Variants in ZNF454 observed in about 807,000 individuals in gnomAD.
The protein encoded by ZNF454 is zinc finger protein 454.
Under a neutral mutation model 48.2 loss-of-function variants are expected in ZNF454, and 30 were observed. That is an observed-to-expected ratio of 0.62 (90% CI 0.47 to 0.84). The LOEUF (loss-of-function observed/expected upper bound fraction) is 0.84, where lower values mean the gene tolerates loss of function less well. ZNF454 is among the 40% of genes least tolerant of loss of function. The pLI is 0.00. For synonymous variants in ZNF454, 204 were observed against 211.4 expected (o/e 0.97, Z 0.30); for missense variants, 510 against 623.1 (o/e 0.82, Z 1.93).
chr5:178,965,137 G>A lies in ZNF454; in HGVS notation c.733G>A (p.Glu245Lys). Residue 245 changes from glutamate to lysine, a missense_variant, in exon 5 of 5, where the codon GAA becomes AAA. By Grantham distance (56) the Glu-to-Lys change is moderately conservative. Transcript: ENST00000519564. This position sits in a 1 kb window ranked among gnomAD's most constrained non-coding sequence, Gnocchi z 5.2. ...QRIHTGEKPY[E>K]CKECGKAFSV... ...AATTCACACTGGCGAGAAACCCTAT[G>A]AATGTAAGGAATGTGGCAAGGCCTT... 1 of 1,614,090 alleles carries A rather than the reference G, an allele frequency of 6.2e-7. No homozygotes were observed. The highest frequency in any genetic ancestry group is 8.5e-7 in the Non-Finnish European group (1 of 1,180,020).
At chr5:178,945,373 CTG>C (rs1310229491) in intron 2 of ZNF454, among the ~76,000 whole-genome samples, 4 of 144,900 alleles carry the variant, frequency 2.8e-5, no homozygotes, top group South Asian at 2.2e-4. Context: ...GTGTGTGTCT[CTG>C]TGTCTGTGTG....
intron 2 of ZNF454, among the ~76,000 whole-genome samples, chr5:178,945,015 T>G (rs1451132290): frequency 6.7e-6 from 1 of 149,674 alleles, no homozygotes; most frequent in African/African-American, 2.5e-5. Context: ...TATGCACATG[T>G]GCACACGTGT....
chr5:178,969,266 C>T (rs1288744481), downstream of ZNF454: 2 of 364,316 alleles, frequency 5.5e-6, no homozygotes, highest in East Asian at 1.5e-4. Flanking sequence ...CCAGCTCAAC[C>T]CCTAAAAGTA....
rs147532150 is a variant in ZNF454, at chr5:178,959,441, G to C, written c.251-5214G>C. On this transcript the variant is annotated intron_variant, in intron 4 of 4. Transcript: ENST00000519564. ...CATTATAATAAGCCTTACACTTGCT[G>C]ACGTAAATTCTCCAGTTTTGTCCTC... Among the ~76,000 whole-genome samples the C allele has an allele frequency of 7.8e-3, 1,192 of 152,260 alleles. 16 individuals carry two copies. Among genetic ancestry groups the C allele is most frequent in the African/African-American group, 0.027 (1,121 of 41,538 alleles).
Position 178,965,097 on chromosome 5 carries a change from TATCCATCACCAAA to T in ZNF454, c.694_706del (p.Ile232GlufsTer20). 1.2e-6 allele frequency: 2 copies of T among 1,614,182 alleles called. No individual in the cohort carries two copies. Among genetic ancestry groups the T allele is most frequent in the Non-Finnish European group, 1.7e-6 (2 of 1,180,034 alleles). On this transcript the variant is annotated frameshift_variant, in exon 5 of 5. Coordinates refer to ENST00000519564, the MANE Select transcript of ZNF454 (RefSeq NM_001178089.3). LOFTEE classifies it high-confidence loss of function. The surrounding 1 kb of genome is among the most constrained non-coding windows in gnomAD (Gnocchi z 5.2). Reference sequence around the variant, plus strand: ...AAGCCTTTCACCAGAGTACGCACCTTATCCATCACCAAAGAATTCACACTGGCGAGAAACCCTA... The same window carrying T: ...AAGCCTTTCACCAGAGTACGCACCTTGAATTCACACTGGCGAGAAACCCTA...
chr5:178,961,121 G>A (rs1255881596), intron 4 of ZNF454, among the ~76,000 whole-genome samples: 1 of 151,344 alleles, frequency 6.6e-6, no homozygotes, highest in African/African-American at 2.4e-5. Context: ...AGTAGAGACG[G>A]GGTTTCACCA....
intron 4 of ZNF454, among the ~76,000 whole-genome samples, chr5:178,952,061 G>A (rs1205353602): frequency 1.4e-5 from 2 of 145,052 alleles, no homozygotes; most frequent in Non-Finnish European, 3.0e-5. Context: ...TTTTTGAGAC[G>A]GAGTCTCGTT....
chr5:178,988,990 C>T, the ZNF454 span: 1 of 1,613,974 alleles, frequency 6.2e-7, no homozygotes, highest in African/African-American at 1.3e-5. This position sits in a 1 kb window ranked among gnomAD's most constrained non-coding sequence, Gnocchi z 6.0. Context: ...CAGTGGGTTC[C>T]ATCGCCGGGC....
chr5:178,983,816 A>T, the ZNF454 span, among the ~76,000 whole-genome samples: 3 of 152,224 alleles, frequency 2.0e-5, no homozygotes, highest in African/African-American at 7.2e-5. Flanking sequence ...CCTCAAGCCA[A>T]GGAAAGCTGG....
intron 4 of ZNF454, among the ~76,000 whole-genome samples, chr5:178,958,093 C>G (rs1481251083): frequency 6.6e-6 from 1 of 151,976 alleles, no homozygotes; most frequent in Admixed American, 6.6e-5. Context: ...TTAAAGCAAA[C>G]TTTTTTGAAA....
rs929879938 is a variant in ZNF454, at chr5:178,965,922, C to T, written c.1518C>T (p.Asn506=). The T allele has an allele frequency of 2.5e-6, 4 of 1,606,468 alleles. No individual in the cohort carries two copies. Among genetic ancestry groups the T allele is most frequent in the African/African-American group, 2.7e-5 (2 of 74,388 alleles). ...YKCNKCGKAF[N]QTANLIQHQR... ...GTAATAAATGTGGGAAAGCTTTTAA[C>T]CAGACTGCAAACCTCATTCAGCATC... The change falls in exon 5 of 5, where the codon AAC becomes AAT. Residue 506 remains asparagine (N), a synonymous_variant. Coordinates refer to ENST00000519564, the MANE Select transcript of ZNF454 (RefSeq NM_001178089.3). The surrounding 1 kb of genome is among the most constrained non-coding windows in gnomAD (Gnocchi z 5.2).
rs551595727 is a variant in ZNF454 at position 178,942,982 on chromosome 5, T to C, written c.33+158T>C. 2.4e-3 allele frequency among the ~76,000 whole-genome samples: 362 copies of C among 152,186 alleles called. 2 individuals are homozygous for C. Among genetic ancestry groups the C allele is most frequent in the Non-Finnish European group, 3.8e-3 (258 of 68,008 alleles). ...CAACACCCTCCAACCCCGCCCCATATCCGGCTCATCCTGGTGGGTGTTGCA... is the reference window on the plus strand; with the variant it reads ...CAACACCCTCCAACCCCGCCCCATACCCGGCTCATCCTGGTGGGTGTTGCA... On this transcript the variant is annotated intron_variant, in intron 2 of 4. Coordinates refer to ENST00000519564, the MANE Select transcript of ZNF454 (RefSeq NM_001178089.3).
the ZNF454 span, among the ~76,000 whole-genome samples, chr5:178,988,698 T>C: frequency 1.3e-5 from 2 of 151,978 alleles, no homozygotes; most frequent in African/African-American, 4.8e-5. This position sits in a 1 kb window ranked among gnomAD's most constrained non-coding sequence, Gnocchi z 6.0. Context: ...TCAGAGAAGC[T>C]CCCCAGCATC....
intron 4 of ZNF454, among the ~76,000 whole-genome samples, chr5:178,956,732 GTC>G (rs1197887094): frequency 1.3e-5 from 2 of 150,508 alleles, no homozygotes; most frequent in African/African-American, 4.9e-5. Flanking sequence ...TTGAGACGGA[GTC>G]TCTCTCTGTC....
At chr5:178,969,532 A>T (rs1476982154), downstream of ZNF454, 2 of 456,896 alleles carry the variant, frequency 4.4e-6, no homozygotes, top group Non-Finnish European at 8.8e-6. Context: ...CTCTTCAGGG[A>T]CAGACTTGGC....
intron 2 of ZNF454, among the ~76,000 whole-genome samples, chr5:178,943,970 T>A (rs1406785693): frequency 6.6e-6 from 1 of 152,128 alleles, no homozygotes; most frequent in Non-Finnish European, 1.5e-5. Flanking sequence ...GAGCTTGCAG[T>A]GAGCCAAGAT....
the ZNF454 span, among the ~76,000 whole-genome samples, chr5:178,982,439 G>A: frequency 4.6e-5 from 7 of 151,896 alleles, no homozygotes; most frequent in South Asian, 2.1e-4. Flanking sequence ...TTGCCCAGGC[G>A]TGGTGGCAGG....
chr5:178,956,544 A>C (rs1483515522), intron 4 of ZNF454, among the ~76,000 whole-genome samples: 1 of 146,660 alleles, frequency 6.8e-6, no homozygotes. Context: ...AAAAAGCCTC[A>C]AGTCTTTTGC....
the ZNF454 span, among the ~76,000 whole-genome samples, chr5:178,982,509 G>A: frequency 2.0e-5 from 3 of 148,260 alleles, no homozygotes; most frequent in Non-Finnish European, 4.4e-5. Flanking sequence ...CCCAGGAGGC[G>A]GAGCTTGCAG....
Sources: allele counts gnomAD v4.1 joint callset (sites outside exome capture counted in the v4.1 genomes callset), GRCh38; gene constraint gnomAD v4.1.1; non-coding constraint Gnocchi (gnomAD v3.1); transcripts MANE v1.5; gene names NCBI Gene and HGNC (gene_info 2026-07-23, HGNC 2026-07-21).